BCAS3: variants seen among roughly 807,000 people sequenced by gnomAD.
BCAS3 encodes the protein BCAS4/BCAS3 fusion.
BCAS3 carries 53 observed loss-of-function variants against 116.1 expected under a neutral mutation model. That is an observed-to-expected ratio of 0.46 (90% CI 0.37 to 0.57). The LOEUF is 0.57. BCAS3 is among the 20% of genes least tolerant of loss of function. The probability of loss-of-function intolerance (pLI) is 0.00; values close to 1 mark genes in which losing one functional copy is unlikely to be tolerated. For missense variants in BCAS3, 917 were observed against 1,165.4 expected, an observed-to-expected ratio of 0.79 and a Z score of 3.10; for synonymous variants, 391 against 408.2, an observed-to-expected ratio of 0.96 and a Z score of 0.51.
chr17:60,930,680 A>G (rs527389512), intron 13 of BCAS3, among the ~76,000 whole-genome samples: 22 of 151,440 alleles, frequency 1.5e-4, no homozygotes, highest in Non-Finnish European at 2.2e-4. Context: ...CTGGTCTTGA[A>G]CTCCTGACCT....
In BCAS3 at chr17:61,302,443, T is replaced by G. The variant is rs985141382; in HGVS notation, c.2426-65884T>G. ...TGCAAATTTTCCTGCCTTTTTACTATGGTCATTTTTAGATTCTTGAGGAAT... is the reference window on the plus strand; with the variant it reads ...TGCAAATTTTCCTGCCTTTTTACTAGGGTCATTTTTAGATTCTTGAGGAAT... On this transcript the variant is annotated intron_variant, in intron 22 of 23. Transcript: ENST00000407086. This position sits in a 1 kb window ranked among gnomAD's most constrained non-coding sequence, Gnocchi z 4.4. Among the ~76,000 whole-genome samples, 14 of 152,220 alleles carry G rather than the reference T, an allele frequency of 9.2e-5. No homozygotes were observed. The highest frequency in any genetic ancestry group is 2.1e-4 in the Non-Finnish European group (14 of 68,036).
At chr17:60,752,709 A>G (rs2042598764) in intron 6 of BCAS3, among the ~76,000 whole-genome samples, 1 of 144,512 alleles carries the variant, frequency 6.9e-6, no homozygotes, top group Admixed American at 7.3e-5. Context: ...GCATGCTGTA[A>G]AATTTCCTCT....
intron 22 of BCAS3, among the ~76,000 whole-genome samples, chr17:61,089,488 T>TC (rs1283206377): frequency 1.3e-4 from 20 of 148,542 alleles, no homozygotes; most frequent in African/African-American, 4.2e-4. Context: ...TTTTTTTTTT[T>TC]CTTCGAGACG....
chr17:61,284,513 C>T (rs2051554789), intron 22 of BCAS3, among the ~76,000 whole-genome samples: 1 of 152,198 alleles, frequency 6.6e-6, no homozygotes, highest in Admixed American at 6.5e-5. Context: ...CGAGGGTCCG[C>T]GGCTGGTTCT....
At chr17:61,135,693 AAAG>A (rs2076587921) in intron 22 of BCAS3, among the ~76,000 whole-genome samples, 1 of 152,200 alleles carries the variant, frequency 6.6e-6, no homozygotes, top group South Asian at 2.1e-4. Flanking sequence ...AAAAACATCA[AAAG>A]AAGATTTTAT....
At position 61,356,497 on chromosome 17, in the gene BCAS3, C is replaced by T. The variant is rs570766037; in HGVS notation, c.2426-11830C>T. Among the ~76,000 whole-genome samples, 19 of 152,064 alleles carry T rather than the reference C, an allele frequency of 1.2e-4. No homozygotes were observed. Among genetic ancestry groups the T allele is most frequent in the East Asian group, 1.2e-3 (6 of 5,158 alleles). On this transcript the variant is annotated intron_variant, in intron 22 of 23. Transcript: ENST00000407086. The surrounding 1 kb of genome is among the most constrained non-coding windows in gnomAD (Gnocchi z 5.4). ...TGTTTGTTCTGAATGTGGAGCCAGTCGAGATTCTCCTTACTGGGACCTACA... is the reference window on the plus strand; with the variant it reads ...TGTTTGTTCTGAATGTGGAGCCAGTTGAGATTCTCCTTACTGGGACCTACA...
chr17:61,182,561 A>G (rs1469806353), intron 22 of BCAS3, among the ~76,000 whole-genome samples: 1 of 152,222 alleles, frequency 6.6e-6, no homozygotes. Flanking sequence ...TAAGTATACA[A>G]TTTAATGATT....
intron 7 of BCAS3, chr17:60,810,299 G>T: frequency 2.2e-6 from 1 of 448,014 alleles, no homozygotes; most frequent in Non-Finnish European, 4.3e-6. Context: ...TCTGGTTCCC[G>T]GATCTCCGTG....
At chr17:61,386,642 G>A (rs1376221570) in intron 23 of BCAS3, among the ~76,000 whole-genome samples, 1 of 152,196 alleles carries the variant, frequency 6.6e-6, no homozygotes. Context: ...CCCCTCTCAG[G>A]TCCCTGAGAC....
At chr17:60,691,998 C>T (rs762635319) in intron 4 of BCAS3, among the ~76,000 whole-genome samples, 36 of 149,530 alleles carry the variant, frequency 2.4e-4, no homozygotes, top group Non-Finnish European at 1.6e-4. Flanking sequence ...TGCAGTGAGC[C>T]GAGAACATGC....
Position 61,196,099 on chromosome 17 carries a change from ACAACTTCTGAGGTT to A in BCAS3, c.2425+111536_2425+111549del, listed in dbSNP as rs1489395037. 6.6e-6 allele frequency among the ~76,000 whole-genome samples: 1 copy of A among 152,194 alleles called. No individual in the cohort carries two copies. The highest frequency in any genetic ancestry group is 1.5e-5 in the Non-Finnish European group (1 of 68,042). ...CAGTCGCCTTTGCAGATCTATCTAGACAACTTCTGAGGTTTATTCAAGCCTCATTTGTTGCTGCT... is the reference window on the plus strand; with the variant it reads ...CAGTCGCCTTTGCAGATCTATCTAGATATTCAAGCCTCATTTGTTGCTGCT... On this transcript the variant is annotated intron_variant, in intron 22 of 23. Coordinates refer to ENST00000407086, the MANE Select transcript of BCAS3 (RefSeq NM_017679.5). The surrounding 1 kb of genome is among the most constrained non-coding windows in gnomAD (Gnocchi z 4.7).
At chr17:60,831,887 T>G (rs551680522) in intron 7 of BCAS3, among the ~76,000 whole-genome samples, 13 of 152,302 alleles carry the variant, frequency 8.5e-5, no homozygotes, top group African/African-American at 3.1e-4. Flanking sequence ...ATTTTTTGAT[T>G]AGTCTTTTTC....
chr17:61,135,123 A>G (rs1397152199), intron 22 of BCAS3, among the ~76,000 whole-genome samples: 1 of 152,172 alleles, frequency 6.6e-6, no homozygotes, highest in African/African-American at 2.4e-5. Context: ...TGCTTCTTAT[A>G]ATGACATGAT....
Position 61,365,003 on chromosome 17 carries a change from A to G in BCAS3, c.2426-3324A>G, listed in dbSNP as rs2058651708. On this transcript the variant is annotated intron_variant, in intron 22 of 23. Coordinates refer to ENST00000407086, the MANE Select transcript of BCAS3 (RefSeq NM_017679.5). The surrounding 1 kb of genome is among the most constrained non-coding windows in gnomAD (Gnocchi z 4.6). ...TAAGAACATATACATGAACACACCT[A>G]TTACATACAGAACACTCACTGTGTG... Among the ~76,000 whole-genome samples, 2 of 152,318 alleles carry G rather than the reference A, an allele frequency of 1.3e-5. No individual in the cohort carries two copies. The highest frequency in any genetic ancestry group is 2.1e-4 in the South Asian group (1 of 4,830).
chr17:61,346,890 G>A lies in BCAS3; in HGVS notation c.2426-21437G>A, dbSNP rs2057531297. ...AGGCTTCCCAGAGGAGCTTGCACTT[G>A]GGCTAAGTCTCAAATCTGCAGAAGG... is the stretch of plus-strand genomic sequence containing the variant. On this transcript the variant is annotated intron_variant, in intron 22 of 23. Transcript: ENST00000407086. The surrounding 1 kb of genome is among the most constrained non-coding windows in gnomAD (Gnocchi z 5.4). Among the ~76,000 whole-genome samples, 4 of 152,294 alleles carry A rather than the reference G, an allele frequency of 2.6e-5. No homozygotes were observed. The highest frequency in any genetic ancestry group is 9.6e-5 in the African/African-American group (4 of 41,546).
chr17:60,919,066 T>G (rs1384691931), intron 12 of BCAS3, among the ~76,000 whole-genome samples: 3 of 152,222 alleles, frequency 2.0e-5, no homozygotes, highest in African/African-American at 7.2e-5. Context: ...TTATGAGATC[T>G]ATCTCTTTGG....
chr17:60,708,659 T>C (rs2037482278), intron 4 of BCAS3, among the ~76,000 whole-genome samples: 1 of 152,036 alleles, frequency 6.6e-6, no homozygotes, highest in African/African-American at 2.4e-5. Context: ...GCCTCCCCAT[T>C]AGCTGGGATT....
intron 6 of BCAS3, among the ~76,000 whole-genome samples, chr17:60,758,981 ATTT>A (rs778345782): frequency 7.1e-6 from 1 of 140,756 alleles, no homozygotes. Flanking sequence ...GTCTGAGAAG[ATTT>A]TTTTTTTTTT....
chr17:60,790,718 T>C (rs937950408), intron 6 of BCAS3, among the ~76,000 whole-genome samples: 1 of 150,508 alleles, frequency 6.6e-6, no homozygotes, highest in African/African-American at 2.4e-5. Context: ...GTTTTATTCA[T>C]AAACATTAGT....
Sources: allele counts gnomAD v4.1 joint callset (sites outside exome capture counted in the v4.1 genomes callset), GRCh38; gene constraint gnomAD v4.1.1; non-coding constraint Gnocchi (gnomAD v3.1); transcripts MANE v1.5; gene names NCBI Gene and HGNC (gene_info 2026-07-23, HGNC 2026-07-21).